The following DOK6 variants were observed in gnomAD, a reference collection of about 807,000 sequenced individuals.
DOK6 encodes docking protein 6, also known as downstream of tyrosine kinase 6.
DOK6 carries 22 observed loss-of-function variants against 44.0 expected under a neutral mutation model. That is an observed-to-expected ratio of 0.50 (90% confidence interval 0.36 to 0.71). The LOEUF (loss-of-function observed/expected upper bound fraction) is 0.71, where lower values mean the gene tolerates loss of function less well. DOK6 is among the 30% of genes least tolerant of loss of function. The pLI is 0.00. For synonymous variants in DOK6, 166 were observed against 145.5 expected, an observed-to-expected ratio of 1.14 and a Z score of -1.01; for missense variants, 340 against 416.4, an observed-to-expected ratio of 0.82 and a Z score of 1.60.
chr18:69,639,089 T>C lies in DOK6; in HGVS notation c.290-38645T>C, dbSNP rs1984879309. On this transcript the variant is annotated intron_variant, in intron 3 of 7. Transcript: ENST00000382713. ...AGACTTTAAATCTCAAATTATGTGT[T>C]CTTTCTCCTGCAGTCTAGAAGATGC... Among the ~76,000 whole-genome samples, 4 of 152,314 alleles carry C rather than the reference T, an allele frequency of 2.6e-5. No individual in the cohort carries two copies. In the South Asian group the frequency reaches 8.3e-4, roughly 32 times the overall value.
At chr18:69,820,011 G>A (rs567794437) in intron 7 of DOK6, among the ~76,000 whole-genome samples, 2 of 152,286 alleles carry the variant, frequency 1.3e-5, no homozygotes, top group East Asian at 3.9e-4. Flanking sequence ...ATTCGTAGCT[G>A]TCCTGGGCTG....
chr18:69,681,262 G>A (rs1037204020), intron 4 of DOK6, among the ~76,000 whole-genome samples: 2 of 152,140 alleles, frequency 1.3e-5, no homozygotes, highest in African/African-American at 2.4e-5. Flanking sequence ...AAGTCACACC[G>A]CTTAGTCTTT....
intron 2 of DOK6, 75 bp downstream of exon 2, chr18:69,564,669 TG>T: frequency 1.6e-6 from 2 of 1,238,432 alleles, no homozygotes; most frequent in Non-Finnish European, 2.2e-6. Context: ...CTTTGATAAA[TG>T]AAATCTTCAG....
chr18:69,569,572 A>C (rs1008750598), intron 2 of DOK6, among the ~76,000 whole-genome samples: 1 of 152,262 alleles, frequency 6.6e-6, no homozygotes, highest in Admixed American at 6.5e-5. Context: ...CAAATGTTCA[A>C]CCTGATATGA....
intron 1 of DOK6, among the ~76,000 whole-genome samples, chr18:69,505,917 C>CAA (rs34197020): frequency 1.6e-4 from 24 of 148,598 alleles, no homozygotes; most frequent in Non-Finnish European, 2.4e-4. Context: ...AAAACTTCCT[C>CAA]AAAAAAAAAA....
At chr18:69,617,733 G>GAAA (rs1568312831) in intron 3 of DOK6, among the ~76,000 whole-genome samples, 13 of 45,378 alleles carry the variant, frequency 2.9e-4, no homozygotes, top group South Asian at 1.2e-3. Context: ...GAAAAAAGGG[G>GAAA]GAAGGAGGGA....
At chr18:69,535,543 T>G (rs981803576) in intron 1 of DOK6, among the ~76,000 whole-genome samples, 2 of 151,942 alleles carry the variant, frequency 1.3e-5, no homozygotes, top group African/African-American at 4.8e-5. Flanking sequence ...GTTAATGAAC[T>G]TGCTATGAAT....
chr18:69,776,221 C>T (rs932709481), intron 7 of DOK6, among the ~76,000 whole-genome samples: 1 of 151,940 alleles, frequency 6.6e-6, no homozygotes, highest in African/African-American at 2.4e-5. Flanking sequence ...AGAGACTATA[C>T]ATTGCTTTTA....
intron 1 of DOK6, among the ~76,000 whole-genome samples, chr18:69,535,600 GA>G (rs1373057060): frequency 9.2e-5 from 14 of 151,870 alleles, no homozygotes; most frequent in African/African-American, 2.9e-4. Context: ...ATATATATGT[GA>G]TTCATGTATA....
At chr18:69,644,071 C>A (rs549184703) in intron 3 of DOK6, among the ~76,000 whole-genome samples, 1 of 151,952 alleles carries the variant, frequency 6.6e-6, no homozygotes, top group South Asian at 2.1e-4. Flanking sequence ...TGTCTGTTCA[C>A]GTATTTTGCC....
chr18:69,410,919 G>T (rs529226706), intron 1 of DOK6, among the ~76,000 whole-genome samples: 1 of 152,118 alleles, frequency 6.6e-6, no homozygotes, highest in Non-Finnish European at 1.5e-5. Context: ...TGGGCTCATG[G>T]CTGTGAAAGA....
At position 69,757,738 on chromosome 18, in the gene DOK6, C is replaced by T; in HGVS notation, c.739-18C>T. 3.1e-6 allele frequency: 5 copies of T among 1,602,960 alleles called. No individual in the cohort carries two copies. Among genetic ancestry groups the T allele is most frequent in the Non-Finnish European group, 4.3e-6 (5 of 1,169,958 alleles). On this transcript the variant is annotated intron_variant, in intron 6 of 7. Coordinates refer to ENST00000382713, the MANE Select transcript of DOK6 (RefSeq NM_152721.6). Reference sequence around the variant, plus strand: ...ATATTTTAAAACGAGGCCTAAAACACATTCTTTTCTCTTTTAGCTTCAGAC... The same window carrying T: ...ATATTTTAAAACGAGGCCTAAAACATATTCTTTTCTCTTTTAGCTTCAGAC...
intron 6 of DOK6, among the ~76,000 whole-genome samples, chr18:69,755,330 A>G (rs1310476216): frequency 1.3e-5 from 2 of 152,202 alleles, no homozygotes; most frequent in African/African-American, 2.4e-5. Flanking sequence ...AATAAAAAAA[A>G]GAGAAGAAAA....
At chr18:69,564,383 T>G (rs2144597907) in intron 1 of DOK6, 104 bp from the exon 2 acceptor site, 1 of 819,242 alleles carries the variant, frequency 1.2e-6, no homozygotes, top group East Asian at 2.9e-5. Context: ...TCAAAAACAG[T>G]TCCTCTCTGA....
At chr18:69,443,635 A>G (rs1432931182) in intron 1 of DOK6, among the ~76,000 whole-genome samples, 1 of 152,082 alleles carries the variant, frequency 6.6e-6, no homozygotes, top group Non-Finnish European at 1.5e-5. Context: ...TGTGACTTCA[A>G]AACCATTCAG....
At chr18:69,772,510 A>T (rs1979917427) in intron 7 of DOK6, among the ~76,000 whole-genome samples, 1 of 152,056 alleles carries the variant, frequency 6.6e-6, no homozygotes, top group Non-Finnish European at 1.5e-5. Context: ...ATAAAACATA[A>T]AGTTAGACAT....
intron 4 of DOK6, 144 bp downstream of exon 4, chr18:69,677,997 C>G: frequency 7.6e-7 from 1 of 1,321,102 alleles, no homozygotes; most frequent in Non-Finnish European, 9.9e-7. Context: ...ACCTGTAATC[C>G]CTGCATTTTG....
intron 2 of DOK6, among the ~76,000 whole-genome samples, chr18:69,594,612 A>T (rs1298974662): frequency 6.6e-6 from 1 of 151,812 alleles, no homozygotes; most frequent in African/African-American, 2.4e-5. Context: ...AAGAAAGAAG[A>T]AATAAAAGGC....
chr18:69,757,482 T>C (rs768856741), intron 6 of DOK6, among the ~76,000 whole-genome samples: 4 of 152,190 alleles, frequency 2.6e-5, no homozygotes, highest in African/African-American at 4.8e-5. Flanking sequence ...ATGCCCTGAG[T>C]GTTTGCCAGC....
Sources: gnomAD v4.1 joint callset for allele counts (sites outside exome capture counted in the v4.1 genomes callset) on GRCh38, gnomAD v4.1.1 for gene constraint, MANE v1.5 for transcripts, NCBI Gene and HGNC (gene_info 2026-07-23, HGNC 2026-07-21) for gene names.